DCX: variants seen among roughly 807,000 people sequenced by gnomAD.
DCX encodes the protein doublecortin.
Under a neutral mutation model 20.9 loss-of-function variants are expected in DCX, and 4 were observed. The ratio of observed to expected loss-of-function variants is 0.19; its 90% CI spans 0.09 to 0.44. DCX has a LOEUF of 0.44. DCX is among the 20% of genes least tolerant of loss of function. The pLI is 0.99. For synonymous variants in DCX, 103 were observed against 111.4 expected (o/e 0.92, Z 0.47); for missense variants, 133 against 296.9 (o/e 0.45, Z 4.06).
At chrX:111,407,357 A>T in intron 2 of DCX, among the ~76,000 whole-genome samples, 1 of 112,152 alleles carries the variant, frequency 8.9e-6, no homozygotes, top group Admixed American at 9.5e-5. Context: ...TCTGTCCTCC[A>T]TTCCCAGATG....
intron 5 of DCX, among the ~76,000 whole-genome samples, chrX:111,316,391 C>G (rs1263981309): frequency 1.8e-5 from 2 of 110,901 alleles, no homozygotes; most frequent in Non-Finnish European, 3.8e-5. Flanking sequence ...ACCACCATGC[C>G]CAGCTAATTT....
chrX:111,350,093 A>C lies in DCX; in HGVS notation c.706-16940T>G, dbSNP rs1340590138. 1.8e-4 allele frequency among the ~76,000 whole-genome samples: 20 copies of C among 111,857 alleles called. No homozygotes were observed. In the Admixed American group the frequency reaches 1.8e-3, roughly 10 times the overall value. On this transcript the variant is annotated intron_variant, in intron 3 of 6. Coordinates refer to ENST00000636035, the MANE Select transcript of DCX (RefSeq NM_001195553.2). ...AGGAATGCCCAGCAACCTCTCAGGCAGGGTGCCTGGAAATAGATAGCCTAA... is the reference window on the plus strand; with the variant it reads ...AGGAATGCCCAGCAACCTCTCAGGCCGGGTGCCTGGAAATAGATAGCCTAA...
intron 3 of DCX, among the ~76,000 whole-genome samples, chrX:111,375,946 G>T (rs1376408832): frequency 8.9e-6 from 1 of 111,942 alleles, no homozygotes; most frequent in African/African-American, 3.2e-5. Context: ...TCAGCACCAT[G>T]GACAACACTA....
chrX:111,357,965 C>T (rs1369971547), intron 3 of DCX, among the ~76,000 whole-genome samples: 2 of 110,262 alleles, frequency 1.8e-5, no homozygotes, highest in African/African-American at 3.3e-5. Flanking sequence ...GTAGCTGGGA[C>T]TACAGGCGTG....
At chrX:111,321,736 T>G (rs1345189976) in intron 5 of DCX, among the ~76,000 whole-genome samples, 1 of 111,664 alleles carries the variant, frequency 9.0e-6, no homozygotes, top group African/African-American at 3.3e-5. Context: ...GACCAATTCC[T>G]GGAAACTAGG....
intron 3 of DCX, among the ~76,000 whole-genome samples, chrX:111,360,752 T>A (rs1924143823): frequency 9.1e-6 from 1 of 110,432 alleles, no homozygotes; most frequent in Non-Finnish European, 1.9e-5. Context: ...TAAAAATTAA[T>A]TAAAAAATTA....
chrX:111,318,850 GCTT>G, intron 5 of DCX, among the ~76,000 whole-genome samples: 1 of 111,433 alleles, frequency 9.0e-6, no homozygotes, highest in Non-Finnish European at 1.9e-5. Flanking sequence ...CAGGTACTAT[GCTT>G]ATTACCTGGT....
At chrX:111,313,655 T>C (rs774151240) in intron 5 of DCX, among the ~76,000 whole-genome samples, 4 of 112,072 alleles carry the variant, frequency 3.6e-5, no homozygotes, top group Non-Finnish European at 7.5e-5. Flanking sequence ...TGCTAAATTG[T>C]TTTATATTCC....
At chrX:111,390,977 G>A (rs1798637572) in intron 3 of DCX, among the ~76,000 whole-genome samples, 1 of 96,709 alleles carries the variant, frequency 1.0e-5, no homozygotes. Context: ...CTGCATTCCA[G>A]TCTGGGCAAT....
At chrX:111,341,382 A>G (rs1922218542) in intron 3 of DCX, among the ~76,000 whole-genome samples, 1 of 111,260 alleles carries the variant, frequency 9.0e-6, no homozygotes, top group South Asian at 3.9e-4. Context: ...TCGCAAAAAG[A>G]CTGAACCTAC....
chrX:111,316,092 A>ATAAATAAATAAAT (rs1556369834), intron 5 of DCX, among the ~76,000 whole-genome samples: 10 of 96,350 alleles, frequency 1.0e-4, no homozygotes, highest in African/African-American at 4.4e-4. Flanking sequence ...AAAATAAAAA[A>ATAAATAAATAAAT]AAAAAAAAAA....
intron 3 of DCX, among the ~76,000 whole-genome samples, chrX:111,374,202 C>T (rs1420191603): frequency 3.6e-5 from 4 of 111,682 alleles, no homozygotes; most frequent in African/African-American, 1.3e-4. Context: ...ATGAGAACCC[C>T]AAAGGAAGTG....
intron 3 of DCX, among the ~76,000 whole-genome samples, chrX:111,394,370 C>T (rs932018658): frequency 7.2e-5 from 8 of 111,475 alleles, no homozygotes; most frequent in Non-Finnish European, 1.5e-4. Flanking sequence ...CTAAAGGGTA[C>T]AGCGTTTCTT....
intron 3 of DCX, among the ~76,000 whole-genome samples, chrX:111,368,932 A>ACACACACACAC: frequency 9.2e-6 from 1 of 109,162 alleles, no homozygotes; most frequent in African/African-American, 3.3e-5. Context: ...ACACACACAC[A>ACACACACACAC]AAGGGGAGTT....
chrX:111,323,124 C>T (rs2095090623), intron 5 of DCX, among the ~76,000 whole-genome samples: 1 of 111,584 alleles, frequency 9.0e-6, no homozygotes, highest in Non-Finnish European at 1.9e-5. Flanking sequence ...AGCCTGTTGT[C>T]AACGCTGACT....
intron 3 of DCX, among the ~76,000 whole-genome samples, chrX:111,336,298 G>C (rs1261750235): frequency 8.9e-6 from 1 of 112,191 alleles, no homozygotes; most frequent in East Asian, 2.8e-4. Flanking sequence ...AAAGCCTTTG[G>C]ATAACCCCTC....
chrX:111,385,557 G>A (rs1364108643), intron 3 of DCX, among the ~76,000 whole-genome samples: 1 of 110,336 alleles, frequency 9.1e-6, no homozygotes, highest in East Asian at 2.9e-4. Context: ...TCGGGAGGCT[G>A]AGGCAGGAGA....
chrX:111,411,481 T>C (rs1279937224), intron 1 of DCX, among the ~76,000 whole-genome samples: 1 of 109,530 alleles, frequency 9.1e-6, no homozygotes, highest in East Asian at 2.9e-4. Context: ...TGGTCATTTG[T>C]CAGGCTTTGC....
intron 3 of DCX, among the ~76,000 whole-genome samples, chrX:111,394,088 C>A (rs1161180812): frequency 9.0e-6 from 1 of 111,486 alleles, no homozygotes; most frequent in Admixed American, 9.5e-5. Context: ...TAGAAACAAC[C>A]CAAATGTCCA....
Sources: allele counts gnomAD v4.1 joint callset (sites outside exome capture counted in the v4.1 genomes callset), GRCh38; gene constraint gnomAD v4.1.1; transcripts MANE v1.5; gene names NCBI Gene and HGNC (gene_info 2026-07-23, HGNC 2026-07-21).